PRKG1: variants seen among roughly 807,000 people sequenced by gnomAD.
PRKG1 encodes the protein protein kinase cGMP-dependent 1, also known as cGMP-dependent protein kinase 1.
Under a neutral mutation model 88.1 loss-of-function variants are expected in PRKG1, and 35 were observed. That is an observed-to-expected ratio of 0.40 (90% confidence interval 0.30 to 0.53). The LOEUF (loss-of-function observed/expected upper bound fraction) is 0.53. Ranked by LOEUF, PRKG1 falls within the 20% of genes least tolerant of loss-of-function variation. The pLI is 0.59. For synonymous variants in PRKG1, 303 were observed against 292.5 expected (o/e 1.04, Z -0.37); for missense variants, 540 against 839.8 (o/e 0.64, Z 4.41).
At chr10:51,336,528 C>G (rs902756677) in intron 2 of PRKG1, among the ~76,000 whole-genome samples, 1 of 152,122 alleles carries the variant, frequency 6.6e-6, no homozygotes, top group East Asian at 1.9e-4. Context: ...GCTAATTGAT[C>G]ATGGCCTCCA....
rs1015118154 is a variant in PRKG1, at chr10:51,872,467, T to G, written c.699-35040T>G. On this transcript the variant is annotated intron_variant, in intron 4 of 17. Coordinates refer to ENST00000373980, the MANE Select transcript of PRKG1 (RefSeq NM_006258.4). The stretch of plus-strand genomic sequence containing the variant: ...GTGGAGTGAGAGACTTTTGGCTCTG[T>G]GCATTCAGTTCAATAAACTGAATTT... Among the ~76,000 whole-genome samples the G allele has an allele frequency of 2.0e-5, 3 of 152,196 alleles. No homozygotes were observed. The South Asian group carries it at 6.2e-4, about 32-fold the overall frequency.
chr10:51,980,296 A>G (rs1843973723), intron 5 of PRKG1, among the ~76,000 whole-genome samples: 1 of 152,058 alleles, frequency 6.6e-6, no homozygotes, highest in Admixed American at 6.6e-5. Flanking sequence ...GTTTTGAAGA[A>G]TTTTCTTAGT....
chr10:52,115,029 A>G (rs117757955), intron 7 of PRKG1, among the ~76,000 whole-genome samples: 1,554 of 152,268 alleles, frequency 0.01, 9 homozygotes, highest in Non-Finnish European at 0.017. Context: ...AGAATAAATG[A>G]TGAGAGCAAA....
At chr10:52,198,767 T>A (rs1839577822) in intron 9 of PRKG1, among the ~76,000 whole-genome samples, 1 of 151,930 alleles carries the variant, frequency 6.6e-6, no homozygotes, top group South Asian at 2.1e-4. Context: ...TGTGGTTGCG[T>A]CACTCCAATC....
At chr10:51,448,453 A>T (rs1839337924) in intron 2 of PRKG1, among the ~76,000 whole-genome samples, 1 of 152,014 alleles carries the variant, frequency 6.6e-6, no homozygotes, top group African/African-American at 2.4e-5. Context: ...TGATAACCAC[A>T]TGAAGTGTAT....
chr10:51,510,909 A>AT (rs113951308), intron 3 of PRKG1, among the ~76,000 whole-genome samples: 6,101 of 135,358 alleles, frequency 0.045, 248 homozygotes, highest in African/African-American at 0.11. Flanking sequence ...ACACCAGCTT[A>AT]TTTTTTTTTT....
At chr10:51,965,082 A>T (rs1426694222) in intron 5 of PRKG1, among the ~76,000 whole-genome samples, 1 of 152,160 alleles carries the variant, frequency 6.6e-6, no homozygotes, top group Non-Finnish European at 1.5e-5. Flanking sequence ...AAGCTCAAAA[A>T]TTTTTTAAAT....
chr10:51,469,152 A>G (rs1385950169), intron 3 of PRKG1, among the ~76,000 whole-genome samples: 1 of 151,844 alleles, frequency 6.6e-6, no homozygotes, highest in Non-Finnish European at 1.5e-5. Context: ...CTTAAAAAGA[A>G]CCTTAACTAT....
intron 2 of PRKG1, among the ~76,000 whole-genome samples, chr10:51,183,338 G>C (rs1417730479): frequency 6.6e-6 from 1 of 152,174 alleles, no homozygotes; most frequent in East Asian, 1.9e-4. Context: ...GACATAAGCT[G>C]TTCTGTGTTG....
intron 5 of PRKG1, chr10:51,909,273 A>G (rs1017677938): frequency 6.6e-6 from 1 of 152,246 alleles, no homozygotes; most frequent in African/African-American, 2.4e-5. Context: ...TTTGGCAGGT[A>G]GATGGTTTCT....
At chr10:51,350,814 G>A (rs371193563) in intron 2 of PRKG1, among the ~76,000 whole-genome samples, 12 of 152,174 alleles carry the variant, frequency 7.9e-5, no homozygotes, top group Middle Eastern at 3.4e-3. Flanking sequence ...TGTGCAGAAC[G>A]TGCAGGTTTG....
At chr10:51,770,046 C>T (rs1838264131) in intron 3 of PRKG1, among the ~76,000 whole-genome samples, 2 of 152,304 alleles carry the variant, frequency 1.3e-5, no homozygotes, top group African/African-American at 2.4e-5. Context: ...AGTTTCATCT[C>T]CTTCAAATGC....
chr10:52,143,832 G>A (rs527736224), intron 8 of PRKG1, among the ~76,000 whole-genome samples: 6 of 148,152 alleles, frequency 4.0e-5, no homozygotes, highest in African/African-American at 1.5e-4. Flanking sequence ...ATTTTGGACT[G>A]AGAGGGAATA....
At chr10:51,151,965 T>C (rs569888097) in intron 1 of PRKG1, among the ~76,000 whole-genome samples, 3 of 152,140 alleles carry the variant, frequency 2.0e-5, no homozygotes, top group African/African-American at 7.2e-5. Flanking sequence ...GGTCAGCTTG[T>C]ATTTAATTTT....
chr10:51,875,196 G>A (rs1369482978), intron 4 of PRKG1, among the ~76,000 whole-genome samples: 2 of 151,920 alleles, frequency 1.3e-5, no homozygotes, highest in African/African-American at 4.8e-5. Context: ...CCTGAATTAG[G>A]TAAGTGTTGA....
chr10:52,268,268 GT>G (rs1276804927), intron 10 of PRKG1, among the ~76,000 whole-genome samples: 1 of 152,092 alleles, frequency 6.6e-6, no homozygotes, highest in Non-Finnish European at 1.5e-5. Context: ...TAAACTTTTT[GT>G]AATTAATGCT....
chr10:52,293,208 T>C (rs567567701), intron 17 of PRKG1, among the ~76,000 whole-genome samples: 155 of 151,412 alleles, frequency 1.0e-3, no homozygotes, highest in African/African-American at 2.7e-3. Context: ...TTCCAAGGGA[T>C]GTGAAGGACC....
chr10:51,398,213 G>A (rs114555946), intron 2 of PRKG1, among the ~76,000 whole-genome samples: 3 of 152,266 alleles, frequency 2.0e-5, no homozygotes, highest in East Asian at 1.9e-4. Context: ...AGGGTTGGGT[G>A]GGGGGATGGT....
At chr10:52,044,464 T>C (rs1845819495) in intron 5 of PRKG1, among the ~76,000 whole-genome samples, 1 of 152,168 alleles carries the variant, frequency 6.6e-6, no homozygotes, top group Non-Finnish European at 1.5e-5. Context: ...CCAATACAAG[T>C]ATTTTTATTA....
Sources: gnomAD v4.1 joint callset for allele counts (sites outside exome capture counted in the v4.1 genomes callset) on GRCh38, gnomAD v4.1.1 for gene constraint, MANE v1.5 for transcripts, NCBI Gene and HGNC (gene_info 2026-07-23, HGNC 2026-07-21) for gene names.